The following XPR1 variants were observed in gnomAD, a reference collection of about 807,000 sequenced individuals.
XPR1 encodes the protein xenotropic and polytropic retrovirus receptor 1.
Under a neutral mutation model 87.5 loss-of-function variants are expected in XPR1, and 28 were observed. The observed-to-expected ratio is 0.32, with a 90% CI of 0.24 to 0.44. XPR1 has a LOEUF of 0.44. Among genes scored for constraint, XPR1 ranks in the 20% least tolerant of loss-of-function variants. The pLI, the probability that XPR1 is intolerant of heterozygous loss-of-function variation, is 1.00. For synonymous variants in XPR1, 300 were observed against 306.1 expected, an observed-to-expected ratio of 0.98 and a Z score of 0.21; for missense variants, 559 against 862.3, an observed-to-expected ratio of 0.65 and a Z score of 4.41.
intron 2 of XPR1, among the ~76,000 whole-genome samples, chr1:180,705,373 A>T (rs1044052650): frequency 2.6e-5 from 4 of 152,182 alleles, no homozygotes; most frequent in Admixed American, 1.3e-4. Flanking sequence ...TATCCCATGC[A>T]GTTAATTTTG....
chr1:180,760,421 G>A (rs1051865923), intron 2 of XPR1, among the ~76,000 whole-genome samples: 2 of 152,148 alleles, frequency 1.3e-5, no homozygotes, highest in African/African-American at 4.8e-5. Context: ...CAAAGTCTCA[G>A]GATACAGAAT....
At chr1:180,784,883 G>T (rs1649076489) in intron 2 of XPR1, among the ~76,000 whole-genome samples, 1 of 151,426 alleles carries the variant, frequency 6.6e-6, no homozygotes, top group Admixed American at 6.6e-5. Context: ...TTTAATTACA[G>T]TAGTTTACCA....
At chr1:180,807,091 C>A (rs1181983082) in intron 6 of XPR1, among the ~76,000 whole-genome samples, 1 of 152,018 alleles carries the variant, frequency 6.6e-6, no homozygotes, top group African/African-American at 2.4e-5. Flanking sequence ...AAAAATAAAA[C>A]CTCTACAATT....
intron 11 of XPR1, among the ~76,000 whole-genome samples, chr1:180,858,407 T>A (rs746795644): frequency 2.6e-5 from 4 of 152,202 alleles, no homozygotes; most frequent in Non-Finnish European, 4.4e-5. Context: ...CAATAATATG[T>A]GTAATAACTT....
intron 2 of XPR1, among the ~76,000 whole-genome samples, chr1:180,757,082 G>A (rs1174221945): frequency 1.3e-5 from 2 of 152,180 alleles, no homozygotes; most frequent in Non-Finnish European, 2.9e-5. Context: ...AAATCAGGAA[G>A]TATTAATTCA....
intron 7 of XPR1, among the ~76,000 whole-genome samples, chr1:180,817,558 G>T (rs138296797): frequency 6.6e-6 from 1 of 152,208 alleles, no homozygotes; most frequent in African/African-American, 2.4e-5. Context: ...TGTTACAATT[G>T]CCTACAGTAT....
chr1:180,767,252 A>G (rs1353955899), intron 2 of XPR1, among the ~76,000 whole-genome samples: 2 of 152,234 alleles, frequency 1.3e-5, no homozygotes, highest in African/African-American at 4.8e-5. Flanking sequence ...AATAATGAGT[A>G]AAAGCTCCCA....
intron 11 of XPR1, among the ~76,000 whole-genome samples, chr1:180,838,209 T>G (rs1208718146): frequency 6.6e-6 from 1 of 152,202 alleles, no homozygotes; most frequent in Non-Finnish European, 1.5e-5. Flanking sequence ...AAAATCTTAT[T>G]AAGAACATCA....
chr1:180,806,925 AAAAAG>A (rs781725296), intron 6 of XPR1, among the ~76,000 whole-genome samples: 24 of 152,302 alleles, frequency 1.6e-4, no homozygotes, highest in African/African-American at 4.6e-4. Flanking sequence ...GTAGTTATAA[AAAAAG>A]AAAATTTATT....
At chr1:180,735,697 TA>T (rs897442539) in intron 2 of XPR1, among the ~76,000 whole-genome samples, 2 of 152,370 alleles carry the variant, frequency 1.3e-5, no homozygotes, top group African/African-American at 4.8e-5. Flanking sequence ...AACAGACTTC[TA>T]AATAAGATAG....
chr1:180,678,470 A>G (rs892074363), intron 1 of XPR1, among the ~76,000 whole-genome samples: 7 of 152,210 alleles, frequency 4.6e-5, no homozygotes, highest in African/African-American at 1.7e-4. Flanking sequence ...GGTACTGGAC[A>G]CAAAGACCAA....
chr1:180,823,746 T>C (rs1266175071), intron 7 of XPR1, among the ~76,000 whole-genome samples: 1 of 152,226 alleles, frequency 6.6e-6, no homozygotes, highest in Non-Finnish European at 1.5e-5. Context: ...GTATGAACTT[T>C]GGAGCAAAAC....
intron 2 of XPR1, among the ~76,000 whole-genome samples, chr1:180,749,832 GAGCAACCTTT>G (rs1331946515): frequency 4.6e-5 from 7 of 152,110 alleles, no homozygotes; most frequent in Non-Finnish European, 8.8e-5. Flanking sequence ...GTTGAAAGAA[GAGCAACCTTT>G]AACTTCAAGT....
At chr1:180,642,457 TAAC>T (rs1654990903) in intron 1 of XPR1, among the ~76,000 whole-genome samples, 1 of 152,048 alleles carries the variant, frequency 6.6e-6, no homozygotes, top group African/African-American at 2.4e-5. Context: ...ATGAGGATAA[TAAC>T]AACAGCTCAT....
intron 11 of XPR1, among the ~76,000 whole-genome samples, chr1:180,860,058 C>T (rs1652166801): frequency 6.6e-6 from 1 of 151,806 alleles, no homozygotes; most frequent in African/African-American, 2.4e-5. Context: ...AAATATTTTA[C>T]CAAATCCATC....
At chr1:180,698,417 A>C (rs1175871308) in intron 2 of XPR1, among the ~76,000 whole-genome samples, 1 of 152,288 alleles carries the variant, frequency 6.6e-6, no homozygotes, top group East Asian at 1.9e-4. Context: ...TAATCCATTT[A>C]CACTCAAGGT....
In XPR1 at chr1:180,746,919, C is replaced by G. The variant is rs556283206; in HGVS notation, c.122-40834C>G. Among the ~76,000 whole-genome samples the G allele has an allele frequency of 2.0e-5, 3 of 152,262 alleles. No individual in the cohort carries two copies. In the East Asian group the frequency reaches 5.8e-4, roughly 29 times the overall value. On this transcript the variant is annotated intron_variant, in intron 2 of 14. Coordinates refer to ENST00000367590, the MANE Select transcript of XPR1 (RefSeq NM_004736.4). ...GTTGTTTTGTATATAAAATGCGCAT[C>G]TACCTACCTGGCTTTAAAATATATT...
chr1:180,834,673 T>G (rs1458100079), intron 9 of XPR1, among the ~76,000 whole-genome samples: 1 of 152,200 alleles, frequency 6.6e-6, no homozygotes, highest in African/African-American at 2.4e-5. Context: ...TTTACTTCCT[T>G]TCTTAGTTAT....
At chr1:180,804,879 T>C (rs1649933590) in intron 4 of XPR1, among the ~76,000 whole-genome samples, 1 of 152,196 alleles carries the variant, frequency 6.6e-6, no homozygotes, top group Non-Finnish European at 1.5e-5. Context: ...TATTTCCTCT[T>C]TCCTATAATG....
Sources: allele counts gnomAD v4.1 joint callset (sites outside exome capture counted in the v4.1 genomes callset), GRCh38; gene constraint gnomAD v4.1.1; transcripts MANE v1.5; gene names NCBI Gene and HGNC (gene_info 2026-07-23, HGNC 2026-07-21).